DSE: variants seen among roughly 807,000 people sequenced by gnomAD.
DSE encodes the protein dermatan-sulfate epimerase.
Under a neutral mutation model 84.4 loss-of-function variants are expected in DSE, and 36 were observed. The ratio of observed to expected loss-of-function variants is 0.43; its 90% CI spans 0.33 to 0.56. DSE has a LOEUF of 0.56. DSE is among the 20% of genes least tolerant of loss of function. The pLI is 0.06. For missense variants in DSE, 862 were observed against 1,169.6 expected (o/e 0.74, Z 3.84); for synonymous variants, 410 against 430.1 (o/e 0.95, Z 0.58).
At chr6:116,396,276 G>A (rs530667862) in intron 1 of DSE, among the ~76,000 whole-genome samples, 1 of 152,286 alleles carries the variant, frequency 6.6e-6, no homozygotes, top group East Asian at 1.9e-4. Flanking sequence ...GAAACAGTCC[G>A]GTGTGATATA....
At chr6:116,392,382 C>T (rs1158684076) in intron 1 of DSE, among the ~76,000 whole-genome samples, 7 of 152,104 alleles carry the variant, frequency 4.6e-5, no homozygotes, top group Non-Finnish European at 7.3e-5. Flanking sequence ...ATTCATTTGT[C>T]GGGTCTGCCT....
intron 2 of DSE, among the ~76,000 whole-genome samples, chr6:116,310,363 A>G (rs1775616647): frequency 6.6e-6 from 1 of 151,790 alleles, no homozygotes; most frequent in Admixed American, 6.6e-5. Context: ...CTGGGTAGGC[A>G]AAATAATTCT....
Position 116,416,543 on chromosome 6 carries a change from T to A in DSE, c.417-10031T>A, listed in dbSNP as rs938964758. 3.9e-5 allele frequency among the ~76,000 whole-genome samples: 6 copies of A among 152,196 alleles called. No homozygotes were observed. In the South Asian group the frequency reaches 8.3e-4, roughly 21 times the overall value. On this transcript the variant is annotated intron_variant, in intron 2 of 5. Coordinates refer to ENST00000644252, the MANE Select transcript of DSE (RefSeq NM_013352.4). ...TGTTATATTTAAAATAGATGGTATA[T>A]TTTTGATGTTGTGTGTTATAAAATT...
At chr6:116,414,117 AAT>A (rs1309945777) in intron 2 of DSE, among the ~76,000 whole-genome samples, 1 of 152,208 alleles carries the variant, frequency 6.6e-6, no homozygotes, top group Non-Finnish European at 1.5e-5. Context: ...GCTGTAACAA[AAT>A]ACCATAGACT....
intron 2 of DSE, among the ~76,000 whole-genome samples, chr6:116,301,172 G>GGAGA (rs375062902): frequency 6.0e-5 from 9 of 149,734 alleles, no homozygotes; most frequent in African/African-American, 1.5e-4. Context: ...AGGGAGGGAG[G>GGAGA]GAGAGAGAGA....
intron 2 of DSE, among the ~76,000 whole-genome samples, chr6:116,322,605 T>G (rs1002181021): frequency 1.3e-5 from 2 of 149,646 alleles, no homozygotes; most frequent in African/African-American, 4.9e-5. Flanking sequence ...AAACCTGGAG[T>G]GATTTTTTAG....
chr6:116,343,785 T>C (rs1444029456), intron 2 of DSE, among the ~76,000 whole-genome samples: 1 of 152,148 alleles, frequency 6.6e-6, no homozygotes, highest in Non-Finnish European at 1.5e-5. Flanking sequence ...GGAGAATGAC[T>C]TTGATGAGTT....
chr6:116,301,810 G>T (rs112747510), intron 2 of DSE, among the ~76,000 whole-genome samples: 1 of 151,968 alleles, frequency 6.6e-6, no homozygotes, highest in Non-Finnish European at 1.5e-5. Context: ...GGCAGGCTCC[G>T]GTGTGTGATG....
chr6:116,365,673 A>T (rs1199013970), upstream of DSE, among the ~76,000 whole-genome samples: 1 of 152,220 alleles, frequency 6.6e-6, no homozygotes, highest in Non-Finnish European at 1.5e-5. Context: ...TTAAAAGCAT[A>T]TGGGGTATCT....
intron 2 of DSE, among the ~76,000 whole-genome samples, chr6:116,297,502 A>G (rs923311686): frequency 1.3e-5 from 2 of 152,200 alleles, no homozygotes; most frequent in African/African-American, 2.4e-5. Context: ...GGGAAATGCA[A>G]TCTGAAACAC....
chr6:116,387,219 T>C (rs1780630966), intron 1 of DSE, among the ~76,000 whole-genome samples: 1 of 152,188 alleles, frequency 6.6e-6, no homozygotes, highest in East Asian at 1.9e-4. Flanking sequence ...GGAGGAAAGT[T>C]ACCCTGGAGG....
chr6:116,337,968 G>T (rs1461315286), intron 2 of DSE, among the ~76,000 whole-genome samples: 1 of 152,066 alleles, frequency 6.6e-6, no homozygotes, highest in Non-Finnish European at 1.5e-5. Context: ...AATTTGGTAT[G>T]ATTATGAAGA....
At chr6:116,351,059 A>C (rs1416084067) in intron 2 of DSE, among the ~76,000 whole-genome samples, 2 of 152,200 alleles carry the variant, frequency 1.3e-5, no homozygotes, top group Admixed American at 1.3e-4. Context: ...TATTATTGCT[A>C]TTATAGTTTG....
chr6:116,278,365 G>T, intron 2 of DSE: 1 of 935,158 alleles, frequency 1.1e-6, no homozygotes, highest in Non-Finnish European at 1.6e-6. Context: ...CAATCTTGAG[G>T]TTGAGAGAAC....
intron 1 of DSE, among the ~76,000 whole-genome samples, chr6:116,396,606 T>C (rs1277430533): frequency 6.6e-6 from 1 of 152,220 alleles, no homozygotes; most frequent in Non-Finnish European, 1.5e-5. Context: ...CAATAACAGT[T>C]GGCATGTTGA....
intron 1 of DSE, among the ~76,000 whole-genome samples, chr6:116,383,489 G>A (rs1298357631): frequency 6.6e-6 from 1 of 152,250 alleles, no homozygotes; most frequent in Non-Finnish European, 1.5e-5. Context: ...AATGAAATAA[G>A]GACAACTTAC....
chr6:116,326,670 T>G (rs1029658858), intron 2 of DSE, among the ~76,000 whole-genome samples: 2 of 152,134 alleles, frequency 1.3e-5, no homozygotes, highest in Non-Finnish European at 2.9e-5. Flanking sequence ...ATCTGTCAAA[T>G]GTAAGGATAT....
rs1784494962 is a variant in DSE, at chr6:116,443,689, T to C, written c.*6344T>C. ...TTATGGGGAAGTCTTTATCAAAGAA[T>C]GTCCCTATGATTTCAGTAGAATTTC... On this transcript the variant is annotated 3_prime_UTR_variant, in exon 6 of 6. Coordinates refer to ENST00000644252, the MANE Select transcript of DSE (RefSeq NM_013352.4). 1 of 152,238 alleles carries C rather than the reference T, an allele frequency of 6.6e-6. No homozygotes were observed. The highest frequency in any genetic ancestry group is 2.1e-4 in the South Asian group (1 of 4,834). The allele number at this position is 152,238 out of a possible 1,614,324, so 9.4% of individuals were successfully genotyped here.
chr6:116,430,023 G>C (rs1476018), intron 3 of DSE, among the ~76,000 whole-genome samples: 60,586 of 149,134 alleles, frequency 0.41, 13,507 homozygotes, highest in Middle Eastern at 0.53. Context: ...TAGAAAGCTA[G>C]CATTTCTGAG....
Sources: gnomAD v4.1 joint callset for allele counts (sites outside exome capture counted in the v4.1 genomes callset) on GRCh38, gnomAD v4.1.1 for gene constraint, MANE v1.5 for transcripts, NCBI Gene and HGNC (gene_info 2026-07-23, HGNC 2026-07-21) for gene names.